PSG6: variants seen among roughly 807,000 people sequenced by gnomAD.
The protein encoded by PSG6 is pregnancy-specific beta-1-glycoprotein 6.
A neutral mutation model predicts 43.3 loss-of-function variants in PSG6; 51 were observed. The observed-to-expected ratio is 1.18, with a 90% confidence interval of 0.94 to 1.49. PSG6 has a LOEUF of 1.49. Ranked by LOEUF, PSG6 falls within the 40% of genes most tolerant of loss-of-function variation. The pLI, the probability that PSG6 is intolerant of heterozygous loss-of-function variation, is 0.00. For missense variants in PSG6, 770 were observed against 522.2 expected, an observed-to-expected ratio of 1.47 and a Z score of -4.62; for synonymous variants, 292 against 197.6, an observed-to-expected ratio of 1.48 and a Z score of -4.01.
chr19:42,916,193 G>T lies in PSG6; in HGVS notation c.359C>A (p.Thr120Asn), dbSNP rs150392850. The T allele has an allele frequency of 2.5e-6, 4 of 1,612,230 alleles. No individual in the cohort carries two copies. Among genetic ancestry groups the T allele is most frequent in the Non-Finnish European group, 3.4e-6 (4 of 1,179,100 alleles). Reference protein sequence around the residue: ...NVTQEDAGSYTLHIIKRGDGT... With the variant: ...NVTQEDAGSYNLHIIKRGDGT... ...ATCGCCTCGCTTTATGATGTGTAAG[G>T]TGTAGGATCCTGCATCCTCCTGTGT... is the stretch of plus-strand genomic sequence containing the variant. The change falls in exon 2 of 6, where the codon ACC becomes AAC. Residue 120 changes from threonine (T) to asparagine (N), a missense_variant. By Grantham distance (65) the Thr-to-Asn change is moderately conservative. Coordinates refer to ENST00000187910, the MANE Select transcript of PSG6 (RefSeq NM_001031850.4).
intron 5 of PSG6, among the ~76,000 whole-genome samples, 172 bp from the exon 6 acceptor site, chr19:42,902,618 A>T (rs190738540): frequency 2.0e-5 from 3 of 151,608 alleles, no homozygotes; most frequent in Admixed American, 2.0e-4. Context: ...GCCTTGCAAA[A>T]ACTCTTAGAA....
intron 5 of PSG6, chr19:42,906,536 G>C (rs1364782309): frequency 3.1e-6 from 4 of 1,280,466 alleles, no homozygotes; most frequent in Non-Finnish European, 4.0e-6. Context: ...CAAAGCCTCA[G>C]ATGTTCCTTG....
chr19:42,914,695 G>C (rs888209128), intron 2 of PSG6, among the ~76,000 whole-genome samples: 1 of 151,580 alleles, frequency 6.6e-6, no homozygotes, highest in East Asian at 1.9e-4. Context: ...CTGATTCCAA[G>C]ATCCAGTCTC....
At chr19:42,911,168 G>T (rs1381979834) in intron 2 of PSG6, among the ~76,000 whole-genome samples, 1 of 151,508 alleles carries the variant, frequency 6.6e-6, no homozygotes, top group South Asian at 2.1e-4. Context: ...GTCTCCAACT[G>T]CCTGCCTGGC....
rs183290458 is a variant in PSG6 at position 42,912,789 on chromosome 19, C to A, written c.428-1931G>T. Among the ~76,000 whole-genome samples the A allele has an allele frequency of 1.3e-5, 2 of 151,572 alleles. 1 individual carries two copies. Among genetic ancestry groups the A allele is most frequent in the Non-Finnish European group, 2.9e-5 (2 of 67,902 alleles). On this transcript the variant is annotated intron_variant, in intron 2 of 5. Coordinates refer to ENST00000187910, the MANE Select transcript of PSG6 (RefSeq NM_001031850.4). ...CCAATGGCTCTTGTGTCTCCCCACA[C>A]GAAGAACTCCAACTTATGAAAACGG...
At chr19:42,911,440 G>T (rs1972223477) in intron 2 of PSG6, among the ~76,000 whole-genome samples, 2 of 150,756 alleles carry the variant, frequency 1.3e-5, no homozygotes. Context: ...GGAGCCACAA[G>T]GTGGGGCAGT....
chr19:42,906,698 C>G, intron 5 of PSG6: 6 of 1,464,566 alleles, frequency 4.1e-6, no homozygotes, highest in Non-Finnish European at 5.5e-6. Flanking sequence ...AAAGCCCCCT[C>G]CCTACCTTTC....
rs771855046 is a variant in PSG6, at chr19:42,916,375, G to A, written c.177C>T (p.Pro59=). 2 of 1,612,088 alleles carry A rather than the reference G, an allele frequency of 1.2e-6. No individual in the cohort carries two copies. Among genetic ancestry groups the A allele is most frequent in the East Asian group, 2.2e-5 (1 of 44,774 alleles). ...KDVLLLVHNL[P]QNLTGYIWYK... is the part of the protein sequence containing the mutation. Reference sequence around the variant, plus strand: ...ACCAGATGTAGCCAGTAAGATTCTGGGGCAAATTGTGGACAAGTAGAAGAA... The same window carrying A: ...ACCAGATGTAGCCAGTAAGATTCTGAGGCAAATTGTGGACAAGTAGAAGAA... The change falls in exon 2 of 6, where the codon CCC becomes CCT. Residue 59 remains proline (P), a synonymous_variant. Coordinates refer to ENST00000187910, the MANE Select transcript of PSG6 (RefSeq NM_001031850.4).
intron 5 of PSG6, among the ~76,000 whole-genome samples, chr19:42,903,957 A>C (rs1006943105): frequency 5.9e-5 from 9 of 151,668 alleles, no homozygotes; most frequent in East Asian, 3.9e-4. Flanking sequence ...TTCTAATAAA[A>C]TAATGATTAT....
chr19:42,910,523 C>G (rs1473971228), intron 3 of PSG6, 57 bp downstream of exon 3: 3 of 1,612,510 alleles, frequency 1.9e-6, no homozygotes, highest in South Asian at 2.2e-5. Context: ...GGCCTGGCCT[C>G]TGGCCACTTG....
At position 42,910,644 on chromosome 19, in the gene PSG6, A is replaced by G. The variant is rs754250554; in HGVS notation, c.642T>C (p.Tyr214=). The part of the protein sequence containing the change: ...FGVTKYIAGP[Y]ECEIRNPVSA... ...TCACTGGGTTCCGTATTTCACATTC[A>G]TAGGGTCCTGCAATATACTTTGTGA... Residue 214 remains tyrosine (Y), a synonymous_variant, in exon 3 of 6, where the codon TAT becomes TAC. Transcript: ENST00000187910. 2.0e-5 allele frequency: 32 copies of G among 1,612,290 alleles called. 1 individual carries two copies. The Middle Eastern group carries it at 6.6e-4, about 33-fold the overall frequency.
rs1184454043 is a variant in PSG6, at chr19:42,917,795, T to C, written c.-3A>G. On this transcript the variant is annotated 5_prime_UTR_variant, in exon 1 of 6. Coordinates refer to ENST00000187910, the MANE Select transcript of PSG6 (RefSeq NM_001031850.4). ...GGAGGGGCTGAGAGGGGTCCCATGG[T>C]CTCTGCTGTCTGTGTGTTCTCCCCT... The C allele has an allele frequency of 6.2e-7, 1 of 1,608,916 alleles. No homozygotes were observed. The highest frequency in any genetic ancestry group is 1.7e-5 in the Admixed American group (1 of 59,738).
At chr19:42,909,357 G>T (rs552718921) in intron 3 of PSG6, among the ~76,000 whole-genome samples, 2 of 151,472 alleles carry the variant, frequency 1.3e-5, no homozygotes, top group Non-Finnish European at 2.9e-5. Context: ...CACCTTTTCT[G>T]GTTGCTTCTT....
Position 42,913,052 on chromosome 19 carries a change from G to T in PSG6, c.428-2194C>A, listed in dbSNP as rs545267032. ...TTCCCCACTCTTTTTGAGCTTTCCT[G>T]TTTCAGTTTTGGAAGTTTCTATTGA... On this transcript the variant is annotated intron_variant, in intron 2 of 5. Transcript: ENST00000187910. Among the ~76,000 whole-genome samples, 5 of 151,706 alleles carry T rather than the reference G, an allele frequency of 3.3e-5. No homozygotes were observed. The South Asian group carries it at 1.1e-3, about 32-fold the overall frequency.
At chr19:42,911,985 C>G (rs746611668) in intron 2 of PSG6, among the ~76,000 whole-genome samples, 3 of 151,632 alleles carry the variant, frequency 2.0e-5, no homozygotes, top group African/African-American at 7.3e-5. Flanking sequence ...TGTGCAGCCT[C>G]GTGCCTATAC....
rs1167811575 is a variant in PSG6 at position 42,910,135 on chromosome 19, A to G, written c.706+445T>C. On this transcript the variant is annotated intron_variant, in intron 3 of 5. Coordinates refer to ENST00000187910, the MANE Select transcript of PSG6 (RefSeq NM_001031850.4). ...TTGGGGACTTCCCCTGTATGGTAAT[A>G]GGTGTATGAGGAAGAAACGGTGGGA... 3.0e-5 allele frequency: 8 copies of G among 266,422 alleles called. No individual in the cohort carries two copies. In the South Asian group the frequency reaches 4.0e-4, roughly 13 times the overall value. 16.5% of individuals were successfully genotyped at this position (266,422 alleles called of 1,614,324 possible).
intron 1 of PSG6, among the ~76,000 whole-genome samples, chr19:42,917,068 C>A (rs1180840868): frequency 7.5e-6 from 1 of 133,942 alleles, no homozygotes; most frequent in Non-Finnish European, 1.6e-5. Flanking sequence ...CCCTCCATGC[C>A]CTGGGTGTTT....
At position 42,907,838 on chromosome 19, in the gene PSG6, A is replaced by G. The variant is rs780532533; in HGVS notation, c.723T>C (p.Pro241=). The G allele has an allele frequency of 1.9e-5, 30 of 1,611,524 alleles. 1 individual carries two copies. Among genetic ancestry groups the G allele is most frequent in the Admixed American group, 8.4e-5 (5 of 59,878 alleles). Residue 241 remains proline, a synonymous_variant, in exon 4 of 6, where the codon CCT becomes CCC. Transcript: ENST00000187910. The stretch of plus-strand genomic sequence containing the variant: ...GGTTTAAGTTGTTGATGGTGATGTA[A>G]GGCATGGGCAGCTTCGCTGTGTGGA... The part of the protein sequence containing the change: ...TLNLLPKLPM[P]YITINNLNPR...
intron 2 of PSG6, among the ~76,000 whole-genome samples, chr19:42,914,437 G>A (rs1336345046): frequency 6.7e-6 from 1 of 148,504 alleles, no homozygotes; most frequent in Non-Finnish European, 1.5e-5. Flanking sequence ...ACACAGAGAA[G>A]CAGAGAGAGG....
Sources: allele counts gnomAD v4.1 joint callset (sites outside exome capture counted in the v4.1 genomes callset), GRCh38; gene constraint gnomAD v4.1.1; transcripts MANE v1.5; gene names NCBI Gene and HGNC (gene_info 2026-07-23, HGNC 2026-07-21).